The following CCDC171 variants were observed in gnomAD, a reference collection of about 807,000 sequenced individuals.
CCDC171 encodes coiled-coil domain-containing protein 171.
A neutral mutation model predicts 168.2 loss-of-function variants in CCDC171; 177 were observed. The ratio of observed to expected loss-of-function variants is 1.05; its 90% CI spans 0.93 to 1.19. The LOEUF (loss-of-function observed/expected upper bound fraction) is 1.19. Ranked by LOEUF, CCDC171 falls within the 50% of genes most tolerant of loss-of-function variation. The pLI is 0.00. For missense variants in CCDC171, 1,991 were observed against 1,539.0 expected (o/e 1.29, Z -4.91); for synonymous variants, 687 against 540.8 (o/e 1.27, Z -3.75).
intron 6 of CCDC171, among the ~76,000 whole-genome samples, chr9:16,025,831 C>T (rs1400301401): frequency 6.6e-6 from 1 of 152,100 alleles, no homozygotes; most frequent in East Asian, 1.9e-4. Context: ...GTGGGGTCTC[C>T]TTTGGGAGTG....
the CCDC171 span, among the ~76,000 whole-genome samples, chr9:16,108,713 T>A: frequency 6.6e-6 from 1 of 152,154 alleles, no homozygotes; most frequent in African/African-American, 2.4e-5. Context: ...TGTTCACAGG[T>A]CTGCATCTGC....
chr9:16,007,208 T>C (rs924464295), intron 3 of CCDC171, among the ~76,000 whole-genome samples: 1 of 152,188 alleles, frequency 6.6e-6, no homozygotes, highest in African/African-American at 2.4e-5. Flanking sequence ...TTTCATGTGT[T>C]TTTTGGCTGC....
chr9:15,802,618 T>C, intron 21 of CCDC171, among the ~76,000 whole-genome samples: 1 of 152,188 alleles, frequency 6.6e-6, no homozygotes, highest in Non-Finnish European at 1.5e-5. Flanking sequence ...TGGTATTCCA[T>C]GTTGTATATG....
rs1228368169 is a variant in CCDC171, at chr9:15,971,471, GTAGA to G, written c.3754-136_3754-133del. The G allele has an allele frequency of 5.1e-6, 3 of 590,602 alleles. No individual in the cohort carries two copies. The East Asian group carries it at 8.4e-5, about 16-fold the overall frequency. 36.6% of individuals were successfully genotyped at this position (590,602 alleles called of 1,614,324 possible). A position where few individuals can be genotyped will look rare whatever the true frequency, so the allele number is the denominator to read the frequency against. The stretch of plus-strand genomic sequence containing the variant: ...TAATTTACTATTTATATATTCTCAT[GTAGA>G]TTATTGAAATAGTAGTTTCCATCTC... On this transcript the variant is annotated intron_variant, in intron 25 of 25. Coordinates refer to ENST00000380701, the MANE Select transcript of CCDC171 (RefSeq NM_173550.4).
chr9:15,944,381 T>G lies in CCDC171; in HGVS notation c.3753+23959T>G, dbSNP rs906015335. Among the ~76,000 whole-genome samples, 12 of 151,996 alleles carry G rather than the reference T, an allele frequency of 7.9e-5. 2 individuals carry two copies. The highest frequency in any genetic ancestry group is 1.8e-4 in the Non-Finnish European group (12 of 67,956). On this transcript the variant is annotated intron_variant, in intron 25 of 25. Transcript: ENST00000380701. ...AGAGGACTTGTCGATATATAGTTTT[T>G]GAGCCAGAGGGTTGCTAAAATGCTG... is the stretch of plus-strand genomic sequence containing the variant.
chr9:15,987,388 A>G (rs1421654904), intron 3 of CCDC171, among the ~76,000 whole-genome samples: 1 of 152,206 alleles, frequency 6.6e-6, no homozygotes, highest in African/African-American at 2.4e-5. Context: ...TACCCATGTA[A>G]TAAACCTGCA....
intron 6 of CCDC171, among the ~76,000 whole-genome samples, chr9:15,599,947 T>C (rs1234207102): frequency 6.6e-6 from 1 of 151,956 alleles, no homozygotes; most frequent in Non-Finnish European, 1.5e-5. Context: ...AATCGGCTAC[T>C]GAAGCTTGTG....
chr9:15,884,272 G>A (rs910588545), intron 24 of CCDC171, among the ~76,000 whole-genome samples: 1 of 60,610 alleles, frequency 1.6e-5, no homozygotes, highest in African/African-American at 3.4e-5. Context: ...TGATTATGAG[G>A]ATCCTATAAC....
At chr9:16,023,465 A>G (rs1376903187) in intron 6 of CCDC171, among the ~76,000 whole-genome samples, 3 of 152,202 alleles carry the variant, frequency 2.0e-5, no homozygotes, top group Non-Finnish European at 4.4e-5. Flanking sequence ...AATAATGAAC[A>G]TTGCCGCACT....
intron 7 of CCDC171, among the ~76,000 whole-genome samples, chr9:15,649,068 G>C (rs567791094): frequency 6.6e-6 from 1 of 152,276 alleles, no homozygotes; most frequent in South Asian, 2.1e-4. Context: ...CAATGGAACA[G>C]AACGGAGCTC....
intron 24 of CCDC171, among the ~76,000 whole-genome samples, chr9:15,908,454 A>G (rs1443473745): frequency 2.0e-5 from 3 of 146,764 alleles, no homozygotes; most frequent in Admixed American, 6.8e-5. Context: ...GAATTGAACA[A>G]TGAGAACACA....
At chr9:16,101,373 G>C in the CCDC171 span, among the ~76,000 whole-genome samples, 2 of 152,160 alleles carry the variant, frequency 1.3e-5, no homozygotes, top group Admixed American at 1.3e-4. Flanking sequence ...TGGGCATCTT[G>C]TATTTTTATT....
At chr9:15,887,501 A>G (rs1261949852) in intron 24 of CCDC171, among the ~76,000 whole-genome samples, 1 of 152,142 alleles carries the variant, frequency 6.6e-6, no homozygotes, top group Non-Finnish European at 1.5e-5. Flanking sequence ...AAACTGTGGC[A>G]TATAAAATTT....
chr9:15,917,050 T>A (rs1021117468), intron 24 of CCDC171, among the ~76,000 whole-genome samples: 18 of 151,996 alleles, frequency 1.2e-4, no homozygotes, highest in African/African-American at 4.3e-4. Context: ...ACAGGATATG[T>A]CGTAGAGGGT....
At chr9:16,078,055 AACACACACAC>A in the CCDC171 span, among the ~76,000 whole-genome samples, 8,534 of 143,806 alleles carry the variant, frequency 0.059, 306 homozygotes, top group African/African-American at 0.1. Context: ...CACCCATGCA[AACACACACAC>A]ACACACACAC....
intron 4 of CCDC171, chr9:15,588,408 GAGA>G (rs778314633): frequency 4.9e-5 from 14 of 284,644 alleles, no homozygotes; most frequent in Admixed American, 9.5e-5. Flanking sequence ...CCAAGCTACA[GAGA>G]AGATCTGCAA....
intron 17 of CCDC171, 128 bp from the exon 18 acceptor site, chr9:15,745,387 C>A: frequency 2.1e-6 from 1 of 466,238 alleles, no homozygotes; most frequent in Non-Finnish European, 3.7e-6. Context: ...ATAGATTTTT[C>A]CACATTAGGC....
At chr9:15,592,525 G>A (rs2042075328) in intron 5 of CCDC171, among the ~76,000 whole-genome samples, 1 of 152,104 alleles carries the variant, frequency 6.6e-6, no homozygotes, top group South Asian at 2.1e-4. Flanking sequence ...GTCATTGTCA[G>A]CAAATTTACT....
intron 23 of CCDC171, among the ~76,000 whole-genome samples, chr9:15,862,792 G>T (rs1330582919): frequency 1.3e-5 from 2 of 152,128 alleles, no homozygotes; most frequent in East Asian, 1.9e-4. Context: ...TCTAGAGTAT[G>T]CTAGAACCTC....
Sources: allele counts gnomAD v4.1 joint callset (sites outside exome capture counted in the v4.1 genomes callset), GRCh38; gene constraint gnomAD v4.1.1; transcripts MANE v1.5; gene names NCBI Gene and HGNC (gene_info 2026-07-23, HGNC 2026-07-21).